Variants in EYS observed in about 807,000 individuals in gnomAD.
The protein encoded by EYS is EGF-like photoreceptor maintenance factor.
EYS carries 250 observed loss-of-function variants against 282.1 expected under a neutral mutation model. The observed-to-expected ratio is 0.89, with a 90% CI of 0.80 to 0.98. EYS has a LOEUF of 0.98. Ranked by LOEUF, EYS falls within the 50% of genes least tolerant of loss-of-function variation. The pLI is 0.00. For missense variants in EYS, 4,016 were observed against 3,709.0 expected (o/e 1.08, Z -2.15); for synonymous variants, 1,355 against 1,282.9 (o/e 1.06, Z -1.20).
chr6:64,476,360 T>A (rs1298721946), intron 26 of EYS, among the ~76,000 whole-genome samples: 1 of 152,096 alleles, frequency 6.6e-6, no homozygotes, highest in African/African-American at 2.4e-5. Context: ...AAAGAAGTGA[T>A]GTATTAATAT....
intron 2 of EYS, among the ~76,000 whole-genome samples, chr6:65,620,468 A>G (rs10944821): frequency 0.72 from 107,323 of 149,892 alleles, 38,803 homozygotes; most frequent in Middle Eastern, 0.77. Flanking sequence ...TCTTGCTAGC[A>G]GTCTCTCAAT....
In EYS at chr6:63,999,188, A is replaced by G. The variant is rs2149802354; in HGVS notation, c.6726-5T>C. On this transcript the variant is annotated splice_region_variant and splice_polypyrimidine_tract_variant and intron_variant, in intron 33 of 42. Coordinates refer to ENST00000503581, the MANE Select transcript of EYS (RefSeq NM_001142800.2). ...CTGCCAACAGGCGTTGTGTAGCTAA[A>G]CGTAAAACAGAAGAGGCCATTATGA... is the stretch of plus-strand genomic sequence containing the variant. 1 of 1,545,832 alleles carries G rather than the reference A, an allele frequency of 6.5e-7. No homozygotes were observed. The highest frequency in any genetic ancestry group is 8.8e-7 in the Non-Finnish European group (1 of 1,141,690).
intron 30 of EYS, among the ~76,000 whole-genome samples, chr6:64,276,564 T>C (rs1768122127): frequency 6.6e-6 from 1 of 152,174 alleles, no homozygotes; most frequent in Non-Finnish European, 1.5e-5. Context: ...AATTGTAGAA[T>C]ATTCAGAGAC....
chr6:65,233,492 C>G (rs923681194), intron 12 of EYS, among the ~76,000 whole-genome samples: 1 of 152,062 alleles, frequency 6.6e-6, no homozygotes, highest in Non-Finnish European at 1.5e-5. Context: ...AAGAATATAG[C>G]TATTTATTGT....
chr6:64,749,086 T>G (rs1362571911), intron 22 of EYS, among the ~76,000 whole-genome samples: 1 of 152,206 alleles, frequency 6.6e-6, no homozygotes, highest in Non-Finnish European at 1.5e-5. Context: ...TGCCACATAT[T>G]TAACTTTGCT....
chr6:65,156,306 T>A (rs1764729572), intron 12 of EYS, among the ~76,000 whole-genome samples: 2 of 151,192 alleles, frequency 1.3e-5, no homozygotes, highest in African/African-American at 4.8e-5. Flanking sequence ...TTTCTGGGAC[T>A]GACAGCTGTC....
intron 32 of EYS, among the ~76,000 whole-genome samples, chr6:64,071,847 T>C (rs940615522): frequency 6.6e-5 from 10 of 151,644 alleles, no homozygotes; most frequent in African/African-American, 2.4e-4. Context: ...GAGGAAAATT[T>C]GCATAAAAAC....
At chr6:64,079,931 G>A (rs1771905328) in intron 32 of EYS, among the ~76,000 whole-genome samples, 1 of 152,148 alleles carries the variant, frequency 6.6e-6, no homozygotes, top group South Asian at 2.1e-4. Context: ...GTGTTCCATG[G>A]TTTATATGTG....
intron 13 of EYS, among the ~76,000 whole-genome samples, chr6:65,053,836 A>G (rs1773342580): frequency 6.6e-6 from 1 of 151,938 alleles, no homozygotes; most frequent in Admixed American, 6.6e-5. Context: ...TTGAATTCCA[A>G]ACAAGTAAAG....
chr6:65,532,491 T>A (rs1173816438), intron 2 of EYS, among the ~76,000 whole-genome samples: 1 of 152,180 alleles, frequency 6.6e-6, no homozygotes, highest in African/African-American at 2.4e-5. Context: ...CAAAACATTA[T>A]TACAGCTACA....
At chr6:65,334,722 T>C (rs1208377209) in intron 11 of EYS, among the ~76,000 whole-genome samples, 4 of 151,890 alleles carry the variant, frequency 2.6e-5, no homozygotes, top group Admixed American at 2.0e-4. Context: ...AACTTAATTC[T>C]ACAATGACAT....
At chr6:64,633,750 T>C (rs1767874548) in intron 22 of EYS, among the ~76,000 whole-genome samples, 1 of 151,738 alleles carries the variant, frequency 6.6e-6, no homozygotes, top group South Asian at 2.1e-4. Flanking sequence ...ATAAAGAAAC[T>C]CATGTATCAC....
At chr6:64,845,531 C>G (rs1765692025) in intron 19 of EYS, among the ~76,000 whole-genome samples, 1 of 150,522 alleles carries the variant, frequency 6.6e-6, no homozygotes, top group African/African-American at 2.4e-5. Context: ...AATAATCTCT[C>G]TCTCTCTCTC....
intron 22 of EYS, among the ~76,000 whole-genome samples, chr6:64,682,616 G>A (rs1488985747): frequency 1.3e-5 from 2 of 152,068 alleles, no homozygotes; most frequent in African/African-American, 4.8e-5. Flanking sequence ...TAAACACACT[G>A]TGCGCCCTCA....
chr6:64,794,737 G>A (rs1774301668), intron 22 of EYS, among the ~76,000 whole-genome samples: 1 of 152,068 alleles, frequency 6.6e-6, no homozygotes, highest in African/African-American at 2.4e-5. Context: ...CCTGCCATAT[G>A]TGGCCATTGT....
At chr6:64,405,225 C>T (rs1455204217) in intron 28 of EYS, among the ~76,000 whole-genome samples, 2 of 152,154 alleles carry the variant, frequency 1.3e-5, no homozygotes, top group Non-Finnish European at 2.9e-5. Context: ...AAATGTATAT[C>T]TTAATTAACC....
At chr6:64,393,267 C>G (rs905370410) in intron 28 of EYS, among the ~76,000 whole-genome samples, 1 of 152,088 alleles carries the variant, frequency 6.6e-6, no homozygotes, top group Admixed American at 6.5e-5. Flanking sequence ...GGGAATCCTC[C>G]CTAACTCATT....
chr6:65,527,566 C>T (rs1463413439), intron 2 of EYS, among the ~76,000 whole-genome samples: 2 of 152,274 alleles, frequency 1.3e-5, no homozygotes, highest in East Asian at 3.9e-4. Context: ...TCATAAATGT[C>T]ATGGTGGCAC....
At chr6:64,502,703 T>G (rs1301861236) in intron 26 of EYS, among the ~76,000 whole-genome samples, 2 of 152,190 alleles carry the variant, frequency 1.3e-5, no homozygotes, top group Admixed American at 6.5e-5. Flanking sequence ...GTTTTGTTTT[T>G]TTTTTAATCT....
Sources: allele counts gnomAD v4.1 joint callset (sites outside exome capture counted in the v4.1 genomes callset), GRCh38; gene constraint gnomAD v4.1.1; transcripts MANE v1.5; gene names NCBI Gene and HGNC (gene_info 2026-07-23, HGNC 2026-07-21).